PDE4D: variants seen among roughly 807,000 people sequenced by gnomAD.
The protein encoded by PDE4D is 3',5'-cyclic-AMP phosphodiesterase 4D.
In PDE4D, 24 loss-of-function variants were observed where a neutral mutation model predicts 87.4. The observed-to-expected ratio is 0.27, with a 90% CI of 0.20 to 0.39. The LOEUF is 0.39. Ranked by LOEUF, PDE4D falls within the 10% of genes least tolerant of loss-of-function variation. The pLI, the probability that PDE4D is intolerant of heterozygous loss-of-function variation, is 1.00. For missense variants in PDE4D, 714 were observed against 1,041.0 expected, an observed-to-expected ratio of 0.69 and a Z score of 4.32; for synonymous variants, 384 against 383.2, an observed-to-expected ratio of 1.00 and a Z score of -0.02.
At chr5:59,026,252 C>A (rs771591298) in intron 6 of PDE4D, among the ~76,000 whole-genome samples, 6 of 152,104 alleles carry the variant, frequency 3.9e-5, no homozygotes, top group Non-Finnish European at 8.8e-5. Context: ...CTAGCATATA[C>A]TATGATAAAA....
At chr5:60,065,613 G>C (rs1377562619) in intron 2 of PDE4D, among the ~76,000 whole-genome samples, 1 of 151,862 alleles carries the variant, frequency 6.6e-6, no homozygotes, top group Non-Finnish European at 1.5e-5. Context: ...ACAGTCCCCA[G>C]AGTGTGATGT....
intron 5 of PDE4D, among the ~76,000 whole-genome samples, chr5:59,079,476 ACCTCTTACT>A (rs968341551): frequency 1.3e-5 from 2 of 152,048 alleles, no homozygotes; most frequent in African/African-American, 2.4e-5. Flanking sequence ...TTTCTAATTG[ACCTCTTACT>A]CTACAAAATT....
chr5:59,661,208 A>C (rs1465510685), intron 1 of PDE4D, among the ~76,000 whole-genome samples: 2 of 152,046 alleles, frequency 1.3e-5, no homozygotes, highest in African/African-American at 4.8e-5. Context: ...GGCAATATAA[A>C]TAATATTTCT....
rs1750305249 is a variant in PDE4D at position 59,887,271 on chromosome 5, G to GGGTATATGTGTGAATATAGGGTA, written c.455+5896_455+5897insTACCCTATATTCACACATATACC. 2.0e-5 allele frequency among the ~76,000 whole-genome samples: 3 copies of GGGTATATGTGTGAATATAGGGTA among 152,274 alleles called. No homozygotes were observed. In the South Asian group the frequency reaches 6.2e-4, roughly 32 times the overall value. ...TATGGTGAGGTTTGGGGCAATGGTG[G>GGGTATATGTGTGAATATAGGGTA]TATGTGTGAATATAGGGTCCAACCA... On this transcript the variant is annotated intron_variant, in intron 1 of 14. Transcript: ENST00000340635.
intron 1 of PDE4D, among the ~76,000 whole-genome samples, chr5:59,729,212 A>G (rs1238436234): frequency 6.6e-6 from 1 of 152,090 alleles, no homozygotes; most frequent in Admixed American, 6.6e-5. Context: ...ATGTCTTTCC[A>G]ATTCATTTGT....
intron 1 of PDE4D, among the ~76,000 whole-genome samples, chr5:59,464,724 C>T (rs891070738): frequency 2.0e-5 from 3 of 152,150 alleles, no homozygotes; most frequent in Non-Finnish European, 4.4e-5. Flanking sequence ...GAGAAACACC[C>T]ACAGGTGTGG....
intron 2 of PDE4D, among the ~76,000 whole-genome samples, chr5:60,137,535 T>C (rs1422763233): frequency 6.6e-6 from 1 of 152,214 alleles, no homozygotes; most frequent in African/African-American, 2.4e-5. Flanking sequence ...TTTGGGTTTC[T>C]CTAAAGATCA....
intron 1 of PDE4D, among the ~76,000 whole-genome samples, chr5:59,741,274 G>A (rs1258785954): frequency 3.9e-5 from 6 of 152,128 alleles, no homozygotes; most frequent in Non-Finnish European, 8.8e-5. Flanking sequence ...AACTCAAGAT[G>A]ATCTCTGAAA....
chr5:60,185,163 G>T (rs757793008), intron 2 of PDE4D, among the ~76,000 whole-genome samples: 5 of 152,236 alleles, frequency 3.3e-5, no homozygotes, highest in African/African-American at 1.2e-4. Context: ...GAATGTGACT[G>T]GTTGAAGTAA....
chr5:59,243,501 C>T (rs1391734093), intron 1 of PDE4D, among the ~76,000 whole-genome samples: 2 of 104,462 alleles, frequency 1.9e-5, no homozygotes, highest in Non-Finnish European at 3.7e-5. Context: ...CTCTTGTTGC[C>T]CAGGCTGGAG....
intron 1 of PDE4D, among the ~76,000 whole-genome samples, chr5:60,347,773 T>C (rs1315968865): frequency 1.3e-5 from 2 of 151,966 alleles, no homozygotes; most frequent in East Asian, 3.9e-4. Flanking sequence ...TACATATAAT[T>C]CCTTGCACAC....
chr5:59,127,613 A>ACC (rs1358070404), intron 5 of PDE4D, among the ~76,000 whole-genome samples: 1 of 25,066 alleles, frequency 4.0e-5, no homozygotes, highest in Admixed American at 3.3e-4. Context: ...CCACCCCCCC[A>ACC]CCCCCCACCT....
rs569171212 is a variant in PDE4D at position 60,445,068 on chromosome 5, C to A, written c.-90+42874G>T. ...TGTATACACAACAAGCAGGGCGTAA[C>A]GTGATCCAATTTGTGTTTTAGAACA... On this transcript the variant is annotated intron_variant, in intron 1 of 16. Transcript: ENST00000502484. 1.7e-4 allele frequency among the ~76,000 whole-genome samples: 26 copies of A among 152,166 alleles called. No homozygotes were observed. In the South Asian group the frequency reaches 4.8e-3, roughly 28 times the overall value.
At chr5:59,617,551 G>C (rs898488911) in intron 1 of PDE4D, among the ~76,000 whole-genome samples, 1 of 152,112 alleles carries the variant, frequency 6.6e-6, no homozygotes, top group African/African-American at 2.4e-5. Context: ...CAAGAGAGTA[G>C]GTCCCTAATC....
chr5:59,010,849 G>A (rs1396204125), intron 6 of PDE4D, among the ~76,000 whole-genome samples: 1 of 152,148 alleles, frequency 6.6e-6, no homozygotes, highest in African/African-American at 2.4e-5. Context: ...TTCCTCAAGC[G>A]GGTCCCTGAC....
chr5:60,404,291 A>G (rs1251137297), intron 1 of PDE4D, among the ~76,000 whole-genome samples: 1 of 152,148 alleles, frequency 6.6e-6, no homozygotes, highest in Non-Finnish European at 1.5e-5. Context: ...GCTTGGATAA[A>G]AAAAATCATC....
chr5:59,826,358 G>T (rs535472745), intron 1 of PDE4D, among the ~76,000 whole-genome samples: 2 of 152,252 alleles, frequency 1.3e-5, no homozygotes, highest in African/African-American at 4.8e-5. Flanking sequence ...AGAAGCTACG[G>T]AAAGATTATA....
intron 2 of PDE4D, among the ~76,000 whole-genome samples, chr5:60,072,575 T>C (rs1459543005): frequency 6.6e-6 from 1 of 152,126 alleles, no homozygotes; most frequent in Non-Finnish European, 1.5e-5. Context: ...TCATAAAATC[T>C]TTGCCAGTTC....
intron 1 of PDE4D, among the ~76,000 whole-genome samples, chr5:59,663,163 C>T (rs183068854): frequency 6.6e-6 from 1 of 151,742 alleles, no homozygotes; most frequent in Non-Finnish European, 1.5e-5. Flanking sequence ...TGATATTTTT[C>T]TTTGTTTTTT....
Sources: allele counts gnomAD v4.1 joint callset (sites outside exome capture counted in the v4.1 genomes callset), GRCh38; gene constraint gnomAD v4.1.1; transcripts MANE v1.5; gene names NCBI Gene and HGNC (gene_info 2026-07-23, HGNC 2026-07-21).